CLSTN2: variants seen among roughly 807,000 people sequenced by gnomAD.
The protein encoded by CLSTN2 is calsyntenin-2.
Under a neutral mutation model 101.2 loss-of-function variants are expected in CLSTN2, and 48 were observed. The observed-to-expected ratio is 0.47, with a 90% CI of 0.38 to 0.60. The LOEUF (loss-of-function observed/expected upper bound fraction) is 0.60. Among genes scored for constraint, CLSTN2 ranks in the 20% least tolerant of loss-of-function variants. The probability of loss-of-function intolerance (pLI) is 0.00; values close to 1 mark genes in which losing one functional copy is unlikely to be tolerated. For synonymous variants in CLSTN2, 481 were observed against 463.6 expected, an observed-to-expected ratio of 1.04 and a Z score of -0.48; for missense variants, 1,160 against 1,238.2, an observed-to-expected ratio of 0.94 and a Z score of 0.95.
chr3:140,258,830 A>G (rs1417663464), intron 2 of CLSTN2, among the ~76,000 whole-genome samples: 2 of 152,232 alleles, frequency 1.3e-5, no homozygotes, highest in Admixed American at 6.5e-5. Flanking sequence ...AAACTCTCTG[A>G]TGACAGGGTG....
chr3:140,174,534 A>G (rs570861324), intron 1 of CLSTN2, among the ~76,000 whole-genome samples: 3 of 152,106 alleles, frequency 2.0e-5, no homozygotes, highest in Non-Finnish European at 4.4e-5. Context: ...AATTCACTGT[A>G]TTAGTATGTT....
chr3:139,981,987 C>A (rs1484480914), intron 1 of CLSTN2, among the ~76,000 whole-genome samples: 1 of 152,084 alleles, frequency 6.6e-6, no homozygotes, highest in African/African-American at 2.4e-5. Context: ...GGAGAGTTGC[C>A]ATGATTTGAG....
intron 2 of CLSTN2, among the ~76,000 whole-genome samples, chr3:140,382,235 A>G (rs1251747598): frequency 1.3e-5 from 2 of 152,184 alleles, no homozygotes; most frequent in East Asian, 3.8e-4. Flanking sequence ...TTCATTTGAT[A>G]CTTGCCTTTT....
At chr3:140,377,846 A>AGT (rs1232656271) in intron 2 of CLSTN2, among the ~76,000 whole-genome samples, 13 of 152,200 alleles carry the variant, frequency 8.5e-5, no homozygotes, top group African/African-American at 2.7e-4. Flanking sequence ...AGTGGGCAGC[A>AGT]GTGTCCTGGG....
At chr3:140,531,987 G>A (rs1299861455) in intron 8 of CLSTN2, among the ~76,000 whole-genome samples, 2 of 152,140 alleles carry the variant, frequency 1.3e-5, no homozygotes, top group East Asian at 3.9e-4. Context: ...TTAAAAGGTT[G>A]TGAAAGGGTG....
intron 1 of CLSTN2, among the ~76,000 whole-genome samples, chr3:140,057,154 T>C (rs1198066658): frequency 1.3e-5 from 2 of 152,196 alleles, no homozygotes; most frequent in African/African-American, 4.8e-5. Flanking sequence ...GCCATGCATA[T>C]GGAGGAAGCA....
chr3:140,563,290 C>A, intron 15 of CLSTN2, 87 bp downstream of exon 15: 1 of 1,472,894 alleles, frequency 6.8e-7, no homozygotes, highest in Non-Finnish European at 9.3e-7. Context: ...TATGTTGTAG[C>A]AAACGTAGGT....
chr3:140,449,496 A>G (rs970848503), intron 6 of CLSTN2: 7 of 152,232 alleles, frequency 4.6e-5, no homozygotes, highest in Non-Finnish European at 8.8e-5. Context: ...AGGAGGTGAC[A>G]TTAAAAGAAA....
chr3:140,455,492 T>C (rs1008200267), intron 6 of CLSTN2, among the ~76,000 whole-genome samples: 54 of 152,362 alleles, frequency 3.5e-4, no homozygotes, highest in African/African-American at 1.3e-3. Flanking sequence ...GTATCTATTT[T>C]CTGGCTCAGA....
intron 2 of CLSTN2, among the ~76,000 whole-genome samples, chr3:140,325,209 T>C (rs1299064709): frequency 6.6e-6 from 1 of 152,116 alleles, no homozygotes; most frequent in East Asian, 1.9e-4. Context: ...GAGATTAAAG[T>C]TCTAAGGATG....
Position 140,265,159 on chromosome 3 carries a change from A to T in CLSTN2, c.232+89086A>T, listed in dbSNP as rs868420805. Among the ~76,000 whole-genome samples the T allele has an allele frequency of 3.9e-5, 6 of 152,320 alleles. No individual in the cohort carries two copies. The Middle Eastern group carries it at 0.014, about 345-fold the overall frequency. Reference sequence around the variant, plus strand: ...CTGAATTCATTTGGTATGTGGAAGAACCAGGAATTGGGCCCAAACAGTGAA... The same window carrying T: ...CTGAATTCATTTGGTATGTGGAAGATCCAGGAATTGGGCCCAAACAGTGAA... On this transcript the variant is annotated intron_variant, in intron 2 of 16. Transcript: ENST00000458420.
intron 1 of CLSTN2, among the ~76,000 whole-genome samples, chr3:140,028,633 C>T (rs2007472958): frequency 6.6e-6 from 1 of 152,142 alleles, no homozygotes; most frequent in Admixed American, 6.5e-5. Context: ...GGGCTGAGTG[C>T]CAGCCACAAC....
At chr3:140,226,827 C>A (rs2107856887) in intron 2 of CLSTN2, among the ~76,000 whole-genome samples, 1 of 152,142 alleles carries the variant, frequency 6.6e-6, no homozygotes, top group African/African-American at 2.4e-5. Context: ...TGGATGGCAG[C>A]AAAGGGAGAG....
chr3:140,307,139 C>T (rs2087121843), intron 2 of CLSTN2, among the ~76,000 whole-genome samples: 1 of 152,118 alleles, frequency 6.6e-6, no homozygotes, highest in African/African-American at 2.4e-5. Flanking sequence ...TGACTTGCTC[C>T]TCCTTGCCTT....
intron 2 of CLSTN2, among the ~76,000 whole-genome samples, chr3:140,331,256 G>A (rs144550840): frequency 6.6e-6 from 1 of 152,248 alleles, no homozygotes; most frequent in Non-Finnish European, 1.5e-5. Flanking sequence ...AAGAGGACTC[G>A]GCACGCTGCT....
At chr3:140,346,693 C>T (rs1327515337) in intron 2 of CLSTN2, among the ~76,000 whole-genome samples, 3 of 152,192 alleles carry the variant, frequency 2.0e-5, no homozygotes, top group African/African-American at 7.2e-5. Context: ...CACAGTCAGC[C>T]TCTCCCTTTC....
chr3:139,978,426 A>G (rs777994726), intron 1 of CLSTN2, among the ~76,000 whole-genome samples: 1 of 152,142 alleles, frequency 6.6e-6, no homozygotes, highest in African/African-American at 2.4e-5. Context: ...TAGTCTTATT[A>G]TTGTTGCATA....
chr3:139,997,507 T>A (rs9852900), intron 1 of CLSTN2, among the ~76,000 whole-genome samples: 5 of 152,222 alleles, frequency 3.3e-5, no homozygotes, highest in Non-Finnish European at 7.3e-5. Context: ...TAAAGTTCCA[T>A]GTATATGAAG....
intron 1 of CLSTN2, among the ~76,000 whole-genome samples, chr3:140,005,128 C>T (rs2006927784): frequency 6.6e-6 from 1 of 152,152 alleles, no homozygotes; most frequent in African/African-American, 2.4e-5. Flanking sequence ...GTAAAGGAGA[C>T]AAGCACTAGA....
Sources: gnomAD v4.1 joint callset for allele counts (sites outside exome capture counted in the v4.1 genomes callset) on GRCh38, gnomAD v4.1.1 for gene constraint, MANE v1.5 for transcripts, NCBI Gene and HGNC (gene_info 2026-07-23, HGNC 2026-07-21) for gene names.